SUCO: variants seen among roughly 807,000 people sequenced by gnomAD.
SUCO encodes SUN domain containing ossification factor.
Under a neutral mutation model 148.1 loss-of-function variants are expected in SUCO, and 57 were observed. The observed-to-expected ratio is 0.38, with a 90% confidence interval of 0.31 to 0.48. The LOEUF (loss-of-function observed/expected upper bound fraction) is 0.48. SUCO is among the 20% of genes least tolerant of loss of function. The pLI is 0.96. For missense variants in SUCO, 1,331 were observed against 1,468.2 expected, an observed-to-expected ratio of 0.91 and a Z score of 1.53; for synonymous variants, 470 against 502.7, an observed-to-expected ratio of 0.93 and a Z score of 0.87.
At chr1:172,538,193 G>A (rs957136905) in intron 1 of SUCO, among the ~76,000 whole-genome samples, 7 of 152,118 alleles carry the variant, frequency 4.6e-5, no homozygotes, top group Admixed American at 3.3e-4. Flanking sequence ...TGTAGGGGAC[G>A]TACTTTGGAG....
intron 19 of SUCO, among the ~76,000 whole-genome samples, chr1:172,595,328 T>A (rs1392061603): frequency 6.6e-6 from 1 of 152,212 alleles, no homozygotes; most frequent in East Asian, 1.9e-4. Context: ...CATTATGATG[T>A]TAGCTGGTTA....
In SUCO at chr1:172,557,734, T is replaced by C. The variant is rs1463516097; in HGVS notation, c.672T>C (p.Ser224=). The C allele has an allele frequency of 6.2e-7, 1 of 1,613,328 alleles. No homozygotes were observed. The highest frequency in any genetic ancestry group is 8.5e-7 in the Non-Finnish European group (1 of 1,179,700). ...KSEFESKVSA[S]EQGGGDPKSA... is the part of the protein sequence containing the mutation. ...AATTTGAATCAAAAGTTTCAGCAAG[T>C]GAACAGGGCGGTGGTGATCCAAAAT... is the stretch of plus-strand genomic sequence containing the variant. Residue 224 remains serine, a synonymous_variant, in exon 6 of 24, where the codon AGT becomes AGC. Coordinates refer to ENST00000263688, the MANE Select transcript of SUCO (RefSeq NM_014283.5).
At chr1:172,566,816 G>A (rs1013779116) in intron 6 of SUCO, among the ~76,000 whole-genome samples, 2 of 152,238 alleles carry the variant, frequency 1.3e-5, no homozygotes, top group African/African-American at 4.8e-5. Context: ...TGGTGGGCAT[G>A]TCTTACAGAA....
intron 9 of SUCO, among the ~76,000 whole-genome samples, chr1:172,572,853 G>T (rs1248446203): frequency 6.6e-6 from 1 of 152,028 alleles, no homozygotes; most frequent in Non-Finnish European, 1.5e-5. Context: ...CTATAAGTAG[G>T]CCATCCAGTG....
chr1:172,609,400 C>A lies in SUCO; in HGVS notation c.3322-416C>A, dbSNP rs2301450. On this transcript the variant is annotated intron_variant, in intron 23 of 23. Coordinates refer to ENST00000263688, the MANE Select transcript of SUCO (RefSeq NM_014283.5). ...CTAAGATTCATTCTCAACCCGGCTG[C>A]TTACTACATTGTAACTTGGGCAAAG... 575 of 955,446 alleles carry A rather than the reference C, an allele frequency of 6.0e-4. 15 individuals are homozygous for A. The East Asian group carries it at 0.057, about 94-fold the overall frequency. 59.2% of individuals were successfully genotyped at this position (955,446 alleles called of 1,614,324 possible). A position where few individuals can be genotyped will look rare whatever the true frequency, so the allele number is the denominator to read the frequency against.
At chr1:172,575,945 A>G (rs959284936) in intron 11 of SUCO, among the ~76,000 whole-genome samples, 2 of 151,838 alleles carry the variant, frequency 1.3e-5, no homozygotes, top group Non-Finnish European at 3.0e-5. Context: ...AACTGAAATC[A>G]TTGCTGGTCA....
At chr1:172,585,783 A>T in intron 16 of SUCO, 75 bp from the exon 17 acceptor site, 1 of 1,040,796 alleles carries the variant, frequency 9.6e-7, no homozygotes. Flanking sequence ...CTTCCAAGAA[A>T]TTTGTTTTAG....
intron 15 of SUCO, among the ~76,000 whole-genome samples, chr1:172,581,879 T>C: frequency 6.6e-6 from 1 of 152,244 alleles, no homozygotes; most frequent in Non-Finnish European, 1.5e-5. Context: ...GCATCCACAC[T>C]GCATAAACAT....
In SUCO at chr1:172,584,966, A is replaced by G. The variant is rs145423551; in HGVS notation, c.1499-52A>G. On this transcript the variant is annotated intron_variant, in intron 15 of 23. Transcript: ENST00000263688. ...TTTTTTGACTATCTGATATTAATTT[A>G]TATTAGAATATTTAGGTATTTGGTA... 2.2e-3 allele frequency: 2,579 copies of G among 1,169,652 alleles called. 43 individuals carry two copies. The highest frequency in any genetic ancestry group is 0.02 in the South Asian group (1,442 of 71,778). The allele number at this position is 1,169,652 out of a possible 1,614,324, so 72.5% of individuals were successfully genotyped here.
chr1:172,568,570 T>A, intron 6 of SUCO: 2 of 432,788 alleles, frequency 4.6e-6, no homozygotes, highest in Non-Finnish European at 6.2e-6. Flanking sequence ...TAATTTGCCT[T>A]AAAATTTTTG....
intron 22 of SUCO, among the ~76,000 whole-genome samples, chr1:172,604,778 T>C (rs1196930044): frequency 6.6e-6 from 1 of 151,900 alleles, no homozygotes; most frequent in South Asian, 2.1e-4. Context: ...TATTTGTCTT[T>C]CTGTGATTGG....
At chr1:172,577,469 A>G in intron 11 of SUCO, 70 bp from the exon 12 acceptor site, 1 of 1,420,502 alleles carries the variant, frequency 7.0e-7, no homozygotes, top group Non-Finnish European at 9.8e-7. Context: ...ACAAATATTT[A>G]AAGATGCTTA....
chr1:172,563,288 C>T (rs2149239700), intron 6 of SUCO, among the ~76,000 whole-genome samples: 1 of 152,284 alleles, frequency 6.6e-6, no homozygotes, highest in East Asian at 1.9e-4. Context: ...GCTCAGAAGA[C>T]AGGAAGGTAA....
intron 16 of SUCO, among the ~76,000 whole-genome samples, 174 bp from the exon 17 acceptor site, chr1:172,585,684 G>A (rs928202714): frequency 4.6e-5 from 7 of 152,114 alleles, no homozygotes; most frequent in African/African-American, 1.7e-4. Flanking sequence ...TATATTACTT[G>A]TGATCTTATA....
chr1:172,575,528 A>C lies in SUCO; in HGVS notation c.1168A>C (p.Asn390His). The change falls in exon 11 of 24, where the codon AAT (asparagine) becomes CAT (histidine). Residue 390 changes from asparagine (N) to histidine (H), a missense_variant. Physicochemically the swap from Asn to His is moderately conservative, Grantham distance 68. Transcript: ENST00000263688. ...GCTTATATTTTTTAGATATCCAACA[A>C]ATAAGTGGATTAAGCTGGGTACTTT... ...LVSISDRYPTNKWIKLGTFHG... is the reference protein window; with the variant it reads ...LVSISDRYPTHKWIKLGTFHG... 6.2e-7 allele frequency: 1 copy of C among 1,608,654 alleles called. No individual in the cohort carries two copies. Among genetic ancestry groups the C allele is most frequent in the South Asian group, 1.1e-5 (1 of 90,522 alleles).
intron 2 of SUCO, chr1:172,552,123 T>C (rs1282228918): frequency 1.3e-5 from 2 of 152,038 alleles, no homozygotes; most frequent in African/African-American, 4.8e-5. Context: ...TGATTTGGCT[T>C]TTGCCTTTAA....
In SUCO at chr1:172,568,990, G is replaced by A. The variant is rs991358406; in HGVS notation, c.733-29G>A. 12 of 1,536,180 alleles carry A rather than the reference G, an allele frequency of 7.8e-6. No individual in the cohort carries two copies. The South Asian group carries it at 1.6e-4, about 20-fold the overall frequency. ...TTATTTGTATTATTTGAAAGTTGAA[G>A]TCTTCTTACTTTTTGGTGTTTCTTT... On this transcript the variant is annotated intron_variant, in intron 6 of 23. Transcript: ENST00000263688.
At chr1:172,605,917 G>C (rs991860776) in intron 22 of SUCO, among the ~76,000 whole-genome samples, 3 of 151,594 alleles carry the variant, frequency 2.0e-5, no homozygotes, top group Non-Finnish European at 4.4e-5. Flanking sequence ...TTATTGCTAA[G>C]ATTGTATTTG....
At chr1:172,550,896 A>G (rs1483484633) in intron 1 of SUCO, 1 of 977,354 alleles carries the variant, frequency 1.0e-6, no homozygotes, top group Non-Finnish European at 1.2e-6. Context: ...ATGTTGGACT[A>G]GTTTTGAATG....
Sources: allele counts gnomAD v4.1 joint callset (sites outside exome capture counted in the v4.1 genomes callset), GRCh38; gene constraint gnomAD v4.1.1; transcripts MANE v1.5; gene names NCBI Gene and HGNC (gene_info 2026-07-23, HGNC 2026-07-21).